Variants in SYT1 observed in about 807,000 individuals in gnomAD.
SYT1 encodes synaptotagmin-1.
Under a neutral mutation model 44.8 loss-of-function variants are expected in SYT1, and 8 were observed. That is an observed-to-expected ratio of 0.18 (90% CI 0.10 to 0.32). SYT1 has a LOEUF of 0.32. Ranked by LOEUF, SYT1 falls within the 10% of genes least tolerant of loss-of-function variation. The pLI, the probability that SYT1 is intolerant of heterozygous loss-of-function variation, is 1.00. For missense variants in SYT1, 286 were observed against 509.3 expected (o/e 0.56, Z 4.22); for synonymous variants, 154 against 188.8 (o/e 0.82, Z 1.51).
At chr12:79,185,078 A>G (rs1421243100) in intron 3 of SYT1, among the ~76,000 whole-genome samples, 2 of 152,010 alleles carry the variant, frequency 1.3e-5, no homozygotes, top group African/African-American at 2.4e-5. Context: ...ATGAATTGCC[A>G]TCTTGGTCTG....
intron 1 of SYT1, among the ~76,000 whole-genome samples, chr12:78,965,394 T>C (rs542958046): frequency 6.6e-6 from 1 of 152,274 alleles, no homozygotes; most frequent in African/African-American, 2.4e-5. Context: ...CTGGAGCATA[T>C]AGTCTATAAT....
At chr12:79,187,506 C>A (rs771373467) in intron 3 of SYT1, among the ~76,000 whole-genome samples, 1 of 152,070 alleles carries the variant, frequency 6.6e-6, no homozygotes, top group African/African-American at 2.4e-5. Flanking sequence ...GGATTTCATA[C>A]ATTCACATTA....
At chr12:79,086,914 A>G (rs1877419424) in intron 3 of SYT1, among the ~76,000 whole-genome samples, 1 of 152,154 alleles carries the variant, frequency 6.6e-6, no homozygotes, top group Non-Finnish European at 1.5e-5. Flanking sequence ...TTCTACTTCA[A>G]ATTAATCTTA....
intron 6 of SYT1, among the ~76,000 whole-genome samples, chr12:79,292,492 A>G (rs1346569879): frequency 6.6e-6 from 1 of 152,180 alleles, no homozygotes; most frequent in Non-Finnish European, 1.5e-5. Flanking sequence ...CAGATTTAGA[A>G]CTAGACAGGG....
chr12:79,224,432 G>T (rs1875364976), intron 4 of SYT1, among the ~76,000 whole-genome samples: 5 of 152,142 alleles, frequency 3.3e-5, no homozygotes, highest in Admixed American at 1.3e-4. Flanking sequence ...GATGACCAGG[G>T]CTGGTTTCCT....
At chr12:79,016,287 T>G (rs1001681798) in intron 2 of SYT1, among the ~76,000 whole-genome samples, 1 of 152,186 alleles carries the variant, frequency 6.6e-6, no homozygotes, top group East Asian at 1.9e-4. Context: ...AATAGGTCTA[T>G]GGCTCTTCAA....
chr12:79,397,097 TTGGCCCAGCAC>T (rs1287082513), intron 9 of SYT1, among the ~76,000 whole-genome samples: 1 of 152,168 alleles, frequency 6.6e-6, no homozygotes, highest in African/African-American at 2.4e-5. Context: ...TGGCCAGAAC[TTGGCCCAGCAC>T]TGGGAGAGTG....
chr12:79,115,247 C>A (rs990568551), intron 3 of SYT1, among the ~76,000 whole-genome samples: 1 of 152,140 alleles, frequency 6.6e-6, no homozygotes, highest in Non-Finnish European at 1.5e-5. Flanking sequence ...TACCTCTGGG[C>A]AGGACTGAGT....
intron 9 of SYT1, among the ~76,000 whole-genome samples, chr12:79,359,220 G>T (rs557642113): frequency 1.3e-5 from 2 of 152,270 alleles, no homozygotes; most frequent in South Asian, 2.1e-4. Flanking sequence ...AAGCATGGGG[G>T]CAAGCTGGAA....
At chr12:79,026,699 A>ATC (rs1555190360) in intron 2 of SYT1, among the ~76,000 whole-genome samples, 3 of 130,666 alleles carry the variant, frequency 2.3e-5, no homozygotes, top group African/African-American at 8.5e-5. Flanking sequence ...ATATATATAT[A>ATC]TATCACACTT....
At chr12:78,868,705 T>C (rs925965662) in intron 1 of SYT1, 1 of 151,864 alleles carries the variant, frequency 6.6e-6, no homozygotes, top group Non-Finnish European at 1.5e-5. Context: ...ATGTACAAAG[T>C]ACCATTTAAA....
intron 4 of SYT1, among the ~76,000 whole-genome samples, chr12:79,249,265 C>T (rs895475636): frequency 1.3e-5 from 2 of 151,358 alleles, no homozygotes; most frequent in Non-Finnish European, 2.9e-5. Flanking sequence ...CCACCGCGCC[C>T]GGCTAATTTT....
At chr12:78,888,838 C>A (rs556653421) in intron 1 of SYT1, among the ~76,000 whole-genome samples, 59 of 151,948 alleles carry the variant, frequency 3.9e-4, no homozygotes, top group African/African-American at 1.4e-3. Flanking sequence ...TACTTTGGAG[C>A]GCAAGGTTCT....
chr12:79,059,752 G>A (rs1272918164), intron 3 of SYT1, among the ~76,000 whole-genome samples: 1 of 152,010 alleles, frequency 6.6e-6, no homozygotes, highest in African/African-American at 2.4e-5. Context: ...GCCCCAGATA[G>A]CCCATCCCTC....
chr12:79,108,599 A>G (rs1003593867), intron 3 of SYT1, among the ~76,000 whole-genome samples: 2 of 152,150 alleles, frequency 1.3e-5, no homozygotes, highest in African/African-American at 4.8e-5. Context: ...CTGATTGCTG[A>G]ATCATAATGC....
intron 1 of SYT1, among the ~76,000 whole-genome samples, chr12:78,973,557 C>G (rs1592620643): frequency 6.6e-6 from 1 of 152,080 alleles, no homozygotes; most frequent in African/African-American, 2.4e-5. Context: ...CATTCCACTA[C>G]ATATTGCAGT....
chr12:79,064,046 G>C (rs1401664030), intron 3 of SYT1, among the ~76,000 whole-genome samples: 3 of 151,792 alleles, frequency 2.0e-5, no homozygotes, highest in Admixed American at 6.6e-5. Context: ...CCATTCCGGA[G>C]AACAGTCCAT....
intron 3 of SYT1, among the ~76,000 whole-genome samples, chr12:79,081,709 A>T (rs1877046227): frequency 1.3e-5 from 2 of 152,072 alleles, no homozygotes; most frequent in Non-Finnish European, 2.9e-5. Context: ...GTGACATGTG[A>T]GGCCTATTCT....
chr12:79,332,846 C>T (rs1274645775), intron 8 of SYT1, among the ~76,000 whole-genome samples: 1 of 152,132 alleles, frequency 6.6e-6, no homozygotes. Flanking sequence ...CACTCTCTTA[C>T]CTATACCCCA....
Sources: allele counts gnomAD v4.1 joint callset (sites outside exome capture counted in the v4.1 genomes callset), GRCh38; gene constraint gnomAD v4.1.1; transcripts MANE v1.5; gene names NCBI Gene and HGNC (gene_info 2026-07-23, HGNC 2026-07-21).